The following BCAR1 variants were observed in gnomAD, a reference collection of about 807,000 sequenced individuals.
The protein encoded by BCAR1 is BCAR1 scaffold protein, Cas family member, also known as breast cancer anti-estrogen resistance protein 1.
In BCAR1, 30 loss-of-function variants were observed where a neutral mutation model predicts 67.6. The observed-to-expected ratio is 0.44, with a 90% confidence interval of 0.33 to 0.60. The LOEUF is 0.60. BCAR1 is among the 20% of genes least tolerant of loss of function. BCAR1 has a pLI of 0.02. For synonymous variants in BCAR1, 626 were observed against 556.7 expected, an observed-to-expected ratio of 1.12 and a Z score of -1.75; for missense variants, 1,313 against 1,222.3, an observed-to-expected ratio of 1.07 and a Z score of -1.11.
intron 4 of BCAR1, 87 bp downstream of exon 4, chr16:75,236,795 T>C: frequency 6.6e-7 from 1 of 1,507,590 alleles, no homozygotes. Flanking sequence ...CCCCCAGCCC[T>C]GCAGACACTG....
Position 75,234,938 on chromosome 16 carries a change from T to A in BCAR1, c.1961A>T (p.Glu654Val), listed in dbSNP as rs1411959022. ...TSQDSPDGQY[E>V]NSEGGWMEDY... is the part of the protein sequence containing the mutation. ...CTCCATCCAGCCCCCCTCGCTGTTCTCGTACTGCCCATCTGGCGAGTCCTG... is the reference window on the plus strand; with the variant it reads ...CTCCATCCAGCCCCCCTCGCTGTTCACGTACTGCCCATCTGGCGAGTCCTG... Residue 654 changes from glutamate to valine, a missense_variant, in exon 5 of 7, where the codon GAG becomes GTG. This residue lies in a region of BCAR1 where 1,272 missense variants were observed against 1,137.5 expected (regional missense o/e 1.12). Transcript: ENST00000162330. 6 of 1,572,154 alleles carry A rather than the reference T, an allele frequency of 3.8e-6. No individual in the cohort carries two copies. Among genetic ancestry groups the A allele is most frequent in the Non-Finnish European group, 5.2e-6 (6 of 1,154,644 alleles).
intron 1 of BCAR1, chr16:75,264,422 TC>T: frequency 6.5e-7 from 1 of 1,528,574 alleles, no homozygotes; most frequent in Non-Finnish European, 8.8e-7. Context: ...GGCTGGCCAG[TC>T]CCCTGAGGCC....
intron 1 of BCAR1, chr16:75,266,530 G>C: frequency 2.4e-6 from 1 of 412,766 alleles, no homozygotes; most frequent in Non-Finnish European, 4.2e-6. Context: ...TCGTGGGCCT[G>C]AGACTTCCTT....
chr16:75,260,747 G>C (rs960476845), intron 1 of BCAR1, among the ~76,000 whole-genome samples: 2 of 86,006 alleles, frequency 2.3e-5, no homozygotes, highest in African/African-American at 7.2e-5. Flanking sequence ...ACAAAGCAAA[G>C]AAAAAATACA....
intron 4 of BCAR1, 99 bp from the exon 5 acceptor site, chr16:75,236,085 CAT>C (rs912703608): frequency 2.1e-6 from 3 of 1,412,872 alleles, no homozygotes; most frequent in African/African-American, 2.9e-5. Flanking sequence ...CACGTACACA[CAT>C]ACAGACACAC....
chr16:75,255,074 A>T (rs2077746407), upstream of BCAR1, among the ~76,000 whole-genome samples: 1 of 152,236 alleles, frequency 6.6e-6, no homozygotes, highest in South Asian at 2.1e-4. Context: ...ATTCTAGGGG[A>T]CCGGTGAGAC....
intron 1 of BCAR1, among the ~76,000 whole-genome samples, chr16:75,262,309 G>C (rs1488333125): frequency 2.0e-5 from 3 of 152,228 alleles, no homozygotes; most frequent in African/African-American, 4.8e-5. Context: ...AGGCACGAGA[G>C]ACAGCGGGGC....
chr16:75,236,706 G>A, intron 4 of BCAR1, 176 bp downstream of exon 4: 1 of 1,252,292 alleles, frequency 8.0e-7, no homozygotes, highest in Non-Finnish European at 1.0e-6. Context: ...AAGAACCTGA[G>A]GCTCAGAAGA....
intron 1 of BCAR1, among the ~76,000 whole-genome samples, chr16:75,244,030 G>A (rs1002303043): frequency 1.3e-5 from 2 of 152,214 alleles, no homozygotes; most frequent in Non-Finnish European, 2.9e-5. Flanking sequence ...CCCTCCTAGG[G>A]CAGCAGAGGG....
In BCAR1 at chr16:75,229,520, T is replaced by A; in HGVS notation, c.2604A>T (p.Ala868=). 6.3e-7 allele frequency: 1 copy of A among 1,574,998 alleles called. No homozygotes were observed. Among genetic ancestry groups the A allele is most frequent in the Non-Finnish European group, 8.6e-7 (1 of 1,159,732 alleles). The part of the protein sequence containing the change: ...QQFRRVLGQL[A]AA Reference sequence around the variant, plus strand: ...CCTGGGGTCACCACCCTCAGGCGGCTGCCAGCTGGCCTAGGACGCGGCGGA... The same window carrying A: ...CCTGGGGTCACCACCCTCAGGCGGCAGCCAGCTGGCCTAGGACGCGGCGGA... The change falls in exon 7 of 7, where the codon GCA becomes GCT. Residue 868 remains alanine, a synonymous_variant. Coordinates refer to ENST00000162330, the MANE Select transcript of BCAR1 (RefSeq NM_014567.5).
intron 1 of BCAR1, chr16:75,264,483 G>A (rs958432935): frequency 2.0e-5 from 29 of 1,462,880 alleles, no homozygotes; most frequent in African/African-American, 2.8e-5. Flanking sequence ...CAGAAGAGAG[G>A]AAGGGCTTGG....
At chr16:75,252,436 G>C (rs2151464865), upstream of BCAR1, 1 of 1,438,634 alleles carries the variant, frequency 7.0e-7, no homozygotes, top group Non-Finnish European at 9.1e-7. Flanking sequence ...GAATCACTCG[G>C]GGGAAACCGA....
chr16:75,247,656 G>A (rs1024023831), intron 1 of BCAR1: 4 of 203,910 alleles, frequency 2.0e-5, no homozygotes, highest in Admixed American at 5.3e-5. Flanking sequence ...CTGCTCCAAG[G>A]AGCCTTCCCT....
Position 75,236,888 on chromosome 16 carries a change from G to C in BCAR1, c.906C>G (p.His302Gln). Residue 302 changes from histidine (H) to glutamine (Q), a missense_variant, in exon 4 of 7, where the codon CAC becomes CAG. Around this residue, in one of 2 missense-constraint regions of BCAR1, gnomAD observed 1,272 missense variants for 1,137.5 expected, o/e 1.12. Transcript: ENST00000162330. ...TGCCCTGGCATTTGCTCACTGCGTG[G>C]TGGTTGGACGGTGGCAGGCCCTTCT... ...SVEKGLPPSNHHAVYDVPPSV... is the reference protein window; with the variant it reads ...SVEKGLPPSNQHAVYDVPPSV... 1 of 1,612,822 alleles carries C rather than the reference G, an allele frequency of 6.2e-7. No homozygotes were observed. The highest frequency in any genetic ancestry group is 1.7e-5 in the Admixed American group (1 of 59,956).
At chr16:75,236,094 ACACACACAGAGG>A (rs2077123017) in intron 4 of BCAR1, 108 bp from the exon 5 acceptor site, 1 of 1,397,822 alleles carries the variant, frequency 7.2e-7, no homozygotes, top group African/African-American at 1.4e-5. Context: ...ACATACAGAC[ACACACACAGAGG>A]CACGCGCACA....
At chr16:75,263,757 A>G in intron 1 of BCAR1, 1 of 986,072 alleles carries the variant, frequency 1.0e-6, no homozygotes, top group Non-Finnish European at 1.2e-6. Context: ...TAAAACCCAG[A>G]CGTGTCCCTG....
intron 1 of BCAR1, among the ~76,000 whole-genome samples, chr16:75,260,367 G>C (rs530407788): frequency 3.9e-5 from 6 of 152,002 alleles, no homozygotes; most frequent in Non-Finnish European, 7.4e-5. Context: ...TGCCAGGCGC[G>C]GTGGCTCATG....
Position 75,229,776 on chromosome 16 carries a change from T to C in BCAR1, c.2348A>G (p.Lys783Arg), listed in dbSNP as rs1004707447. 2.5e-6 allele frequency: 4 copies of C among 1,613,478 alleles called. No individual in the cohort carries two copies. The highest frequency in any genetic ancestry group is 1.1e-5 in the South Asian group (1 of 91,088). Residue 783 changes from lysine (K) to arginine (R), a missense_variant, in exon 7 of 7, where the codon AAG becomes AGG. Physicochemically the swap from Lys to Arg is conservative, Grantham distance 26 (BLOSUM62 2). This residue lies in a region of BCAR1 where 1,272 missense variants were observed against 1,137.5 expected (regional missense o/e 1.12). Coordinates refer to ENST00000162330, the MANE Select transcript of BCAR1 (RefSeq NM_014567.5). ...QPPKIFVAHS[K>R]FVILSAHKLV... is the part of the protein sequence containing the mutation. ...CTTGTGGGCGCTGAGGATGACGAAC[T>C]TGCTGTGCGCCACAAAGATCTTGGG...
At chr16:75,259,753 G>A (rs1220939768) in intron 1 of BCAR1, among the ~76,000 whole-genome samples, 1 of 149,880 alleles carries the variant, frequency 6.7e-6, no homozygotes, top group Non-Finnish European at 1.5e-5. Flanking sequence ...TTGGGAGGCT[G>A]AGGCAGGAGA....
Sources: allele counts gnomAD v4.1 joint callset (sites outside exome capture counted in the v4.1 genomes callset), GRCh38; gene constraint gnomAD v4.1.1; regional missense constraint gnomAD v4.1.1; transcripts MANE v1.5; gene names NCBI Gene and HGNC (gene_info 2026-07-23, HGNC 2026-07-21).